Variants in CAMKK2 observed in about 807,000 individuals in gnomAD.
The protein encoded by CAMKK2 is calcium/calmodulin dependent protein kinase kinase 2, also known as calcium/calmodulin-dependent protein kinase kinase 2.
In CAMKK2, 30 loss-of-function variants were observed where a neutral mutation model predicts 67.2. That is an observed-to-expected ratio of 0.45 (90% CI 0.33 to 0.61). The LOEUF (loss-of-function observed/expected upper bound fraction) is 0.61, where lower values mean the gene tolerates loss of function less well. Among genes scored for constraint, CAMKK2 ranks in the 20% least tolerant of loss-of-function variants. The probability of loss-of-function intolerance (pLI) is 0.02; values close to 1 mark genes in which losing one functional copy is unlikely to be tolerated. For synonymous variants in CAMKK2, 322 were observed against 326.2 expected (o/e 0.99, Z 0.14); for missense variants, 643 against 802.0 (o/e 0.80, Z 2.39).
In CAMKK2 at chr12:121,274,530, G is replaced by A; in HGVS notation, c.-4C>T. The A allele has an allele frequency of 6.2e-7, 1 of 1,600,412 alleles. No individual in the cohort carries two copies. The highest frequency in any genetic ancestry group is 8.5e-7 in the Non-Finnish European group (1 of 1,173,582). On this transcript the variant is annotated 5_prime_UTR_variant, in exon 2 of 17. Transcript: ENST00000404169. ...GGCTAGAGACACATGATGACATGGTGCATGCGCCAGCTTCATCCAGCACAC... is the reference window on the plus strand; with the variant it reads ...GGCTAGAGACACATGATGACATGGTACATGCGCCAGCTTCATCCAGCACAC...
intron 1 of CAMKK2, among the ~76,000 whole-genome samples, chr12:121,281,439 C>T (rs1475916321): frequency 6.6e-6 from 1 of 152,228 alleles, no homozygotes; most frequent in African/African-American, 2.4e-5. Flanking sequence ...CATCAATGTC[C>T]TCCTTGGGAA....
rs1215160277 is a variant in CAMKK2, at chr12:121,268,714, C to T, written c.574-25G>A. On this transcript the variant is annotated intron_variant, in intron 4 of 16. Coordinates refer to ENST00000404169, the MANE Select transcript of CAMKK2 (RefSeq NM_001270485.2). ...CCTGCAGGAAAATGAAGGACAGCAC[C>T]TTTAGCCAGGTCCTGTTTAAAGCAG... The T allele has an allele frequency of 3.7e-6, 6 of 1,612,706 alleles. No homozygotes were observed. In the South Asian group the frequency reaches 6.6e-5, roughly 18 times the overall value.
At chr12:121,248,849 G>T in intron 13 of CAMKK2, 115 bp from the exon 14 acceptor site, 1 of 1,285,818 alleles carries the variant, frequency 7.8e-7, no homozygotes, top group Non-Finnish European at 1.1e-6. Flanking sequence ...CTGTGGTCAG[G>T]CATGCAAAAC....
Position 121,248,609 on chromosome 12 carries a change from GGTTGCCAAGCTGGGAAT to G in CAMKK2, c.1432_1448del (p.Ile478ArgfsTer10). 6.2e-7 allele frequency: 1 copy of G among 1,614,140 alleles called. No homozygotes were observed. The highest frequency in any genetic ancestry group is 8.5e-7 in the Non-Finnish European group (1 of 1,180,000). On this transcript the variant is annotated frameshift_variant, in exon 14 of 17. Coordinates refer to ENST00000404169, the MANE Select transcript of CAMKK2 (RefSeq NM_001270485.2). LOFTEE classifies it high-confidence loss of function. ...GTCAGGGGTCCATCCACCTTACCAC[GGTTGCCAAGCTGGGAAT>G]GTGTTTGACTGAGTTCTCGACCTCC...
chr12:121,242,351 AAAAGAAAG>A (rs368398056), intron 16 of CAMKK2, among the ~76,000 whole-genome samples: 39 of 151,538 alleles, frequency 2.6e-4, no homozygotes, highest in South Asian at 4.2e-4. Flanking sequence ...TCAAAAAAAA[AAAAGAAAG>A]AAAGAAAGAA....
chr12:121,259,694 A>G (rs547905296), intron 7 of CAMKK2, among the ~76,000 whole-genome samples: 26 of 152,360 alleles, frequency 1.7e-4, no homozygotes, highest in Middle Eastern at 3.4e-3. Context: ...AGATGATAAT[A>G]TCCATGAAAC....
chr12:121,244,662 G>A, intron 15 of CAMKK2, 47 bp from the exon 16 acceptor site: 1 of 1,432,756 alleles, frequency 7.0e-7, no homozygotes. Flanking sequence ...AGGGACCCTT[G>A]GGATCCACGG....
rs922217846 is a variant in CAMKK2, at chr12:121,257,299, T to C, written c.797-1495A>G. On this transcript the variant is annotated intron_variant, in intron 7 of 16. Coordinates refer to ENST00000404169, the MANE Select transcript of CAMKK2 (RefSeq NM_001270485.2). ...TCTTGCTCTGTTGCCCAGGCTGGAG[T>C]GCAGTGGCACGATCTTGGCTCACTG... Among the ~76,000 whole-genome samples the C allele has an allele frequency of 1.5e-4, 23 of 150,388 alleles. No homozygotes were observed. In the Admixed American group the frequency reaches 1.5e-3, roughly 10 times the overall value.
intron 1 of CAMKK2, among the ~76,000 whole-genome samples, chr12:121,284,750 T>C (rs183382544): frequency 6.6e-6 from 1 of 152,326 alleles, no homozygotes; most frequent in East Asian, 1.9e-4. Context: ...AGGCAGCCCA[T>C]TCCTCTGCCT....
In CAMKK2 at chr12:121,268,083, C is replaced by CATATATATATATATATACAT. The variant is rs1555256882; in HGVS notation, c.625+554_625+555insATGTATATATATATATATAT. ...TGGCTGAATAATATTCCATTGGATG[C>CATATATATATATATATACAT]ATATATATATATATATACTCTATTC... On this transcript the variant is annotated intron_variant, in intron 5 of 16. Transcript: ENST00000404169. 3.1e-5 allele frequency among the ~76,000 whole-genome samples: 3 copies of CATATATATATATATATACAT among 96,970 alleles called. 1 individual carries two copies. Among genetic ancestry groups the CATATATATATATATATACAT allele is most frequent in the Admixed American group, 9.6e-5 (1 of 10,384 alleles). 63.6% of individuals were successfully genotyped at this position (96,970 alleles called of 152,430 possible).
At chr12:121,263,036 T>C (rs1893784924) in intron 6 of CAMKK2, among the ~76,000 whole-genome samples, 1 of 152,094 alleles carries the variant, frequency 6.6e-6, no homozygotes, top group Non-Finnish European at 1.5e-5. Context: ...TGGCGTGATC[T>C]CAGCTCACTG....
At chr12:121,244,542 A>C in intron 16 of CAMKK2, 31 bp downstream of exon 16, 2 of 1,551,366 alleles carry the variant, frequency 1.3e-6, no homozygotes, top group Non-Finnish European at 1.7e-6. Context: ...AGGCCCCAGC[A>C]GAGGCTACGG....
Position 121,285,336 on chromosome 12 carries a change from C to T in CAMKK2, c.-59-10751G>A, listed in dbSNP as rs140577583. On this transcript the variant is annotated intron_variant, in intron 1 of 16. Coordinates refer to ENST00000404169, the MANE Select transcript of CAMKK2 (RefSeq NM_001270485.2). This position sits in a 1 kb window ranked among gnomAD's most constrained non-coding sequence, Gnocchi z 4.1. ...TAGCCAACATGGTGAAACTCCACCT[C>T]TACTATAAATACAGAAATTAGCCAG... is the stretch of plus-strand genomic sequence containing the variant. Among the ~76,000 whole-genome samples, 5 of 152,304 alleles carry T rather than the reference C, an allele frequency of 3.3e-5. No individual in the cohort carries two copies. The highest frequency in any genetic ancestry group is 9.6e-5 in the African/African-American group (4 of 41,568).
In CAMKK2 at chr12:121,252,606, A is replaced by G. The variant is rs1046529583; in HGVS notation, c.1161+55T>C. On this transcript the variant is annotated intron_variant, in intron 11 of 16. Transcript: ENST00000404169. ...GTACTGTCTCCCCGCAAGGGTGACT[A>G]TTAACCCAGGGGCCACCCAGCAGTA... The G allele has an allele frequency of 1.0e-5, 16 of 1,532,040 alleles. No individual in the cohort carries two copies. In the East Asian group the frequency reaches 1.6e-4, roughly 15 times the overall value. The allele number at this position is 1,532,040 out of a possible 1,614,324, so 94.9% of individuals were successfully genotyped here.
At chr12:121,295,093 C>A (rs1395555342) in intron 1 of CAMKK2, among the ~76,000 whole-genome samples, 2 of 152,164 alleles carry the variant, frequency 1.3e-5, no homozygotes, top group Non-Finnish European at 2.9e-5. Flanking sequence ...TCGCTTGAAC[C>A]CGGGAGGCGG....
intron 7 of CAMKK2, among the ~76,000 whole-genome samples, chr12:121,259,237 T>G (rs893485020): frequency 2.0e-5 from 3 of 152,190 alleles, no homozygotes; most frequent in African/African-American, 7.2e-5. Flanking sequence ...GGGGAGCCAC[T>G]GTATTTCTCC....
rs1220887204 is a variant in CAMKK2 at position 121,257,083 on chromosome 12, T to C, written c.797-1279A>G. Among the ~76,000 whole-genome samples, 3 of 151,794 alleles carry C rather than the reference T, an allele frequency of 2.0e-5. No homozygotes were observed. In the East Asian group the frequency reaches 5.8e-4, roughly 29 times the overall value. The stretch of plus-strand genomic sequence containing the variant: ...TGGAGGATGACTCTGGGGTTGCTTG[T>C]TGTTCTGGAATCATACACCCACAAT... On this transcript the variant is annotated intron_variant, in intron 7 of 16. Transcript: ENST00000404169.
chr12:121,252,812 T>C, intron 10 of CAMKK2, 98 bp from the exon 11 acceptor site: 2 of 1,248,056 alleles, frequency 1.6e-6, no homozygotes, highest in South Asian at 1.3e-5. Context: ...TTTCAGCCCT[T>C]GGAGTTGGGG....
rs575380999 is a variant in CAMKK2 at position 121,280,590 on chromosome 12, C to G, written c.-59-6005G>C. Among the ~76,000 whole-genome samples, 30 of 152,074 alleles carry G rather than the reference C, an allele frequency of 2.0e-4. No homozygotes were observed. The South Asian group carries it at 6.0e-3, about 31-fold the overall frequency. The stretch of plus-strand genomic sequence containing the variant: ...TTTCAAAAGCAAATGGGAGAAATAT[C>G]GCTGAATTCTTTTTCTCAGCATGGA... On this transcript the variant is annotated intron_variant, in intron 1 of 16. Transcript: ENST00000404169.
Sources: allele counts gnomAD v4.1 joint callset (sites outside exome capture counted in the v4.1 genomes callset), GRCh38; gene constraint gnomAD v4.1.1; non-coding constraint Gnocchi (gnomAD v3.1); transcripts MANE v1.5; gene names NCBI Gene and HGNC (gene_info 2026-07-23, HGNC 2026-07-21).